The following SEMA3C variants were observed in gnomAD, a reference collection of about 807,000 sequenced individuals.
SEMA3C encodes semaphorin 3C.
A neutral mutation model predicts 89.4 loss-of-function variants in SEMA3C; 47 were observed. The observed-to-expected ratio is 0.53, with a 90% CI of 0.42 to 0.67. The LOEUF (loss-of-function observed/expected upper bound fraction) is 0.67, where lower values mean the gene tolerates loss of function less well. Ranked by LOEUF, SEMA3C falls within the 30% of genes least tolerant of loss-of-function variation. The pLI is 0.00. For synonymous variants in SEMA3C, 310 were observed against 320.2 expected, an observed-to-expected ratio of 0.97 and a Z score of 0.34; for missense variants, 839 against 929.1, an observed-to-expected ratio of 0.90 and a Z score of 1.26.
At position 80,898,407 on chromosome 7, in the gene SEMA3C, C is replaced by T. The variant is rs537485928; in HGVS notation, c.103+18272G>A. 3.3e-5 allele frequency among the ~76,000 whole-genome samples: 5 copies of T among 151,806 alleles called. No individual in the cohort carries two copies. The South Asian group carries it at 6.2e-4, about 19-fold the overall frequency. ...CAACAGAAAAATATAAATCTAAGTACTAAAATGTGAAATAATTCTTATTGA... is the reference window on the plus strand; with the variant it reads ...CAACAGAAAAATATAAATCTAAGTATTAAAATGTGAAATAATTCTTATTGA... On this transcript the variant is annotated intron_variant, in intron 2 of 17. Coordinates refer to ENST00000265361, the MANE Select transcript of SEMA3C (RefSeq NM_006379.5).
chr7:80,851,794 A>G (rs753977850), intron 2 of SEMA3C, among the ~76,000 whole-genome samples: 1 of 152,122 alleles, frequency 6.6e-6, no homozygotes, highest in Non-Finnish European at 1.5e-5. Context: ...AAGAAAAAAA[A>G]AGTTGAATAT....
chr7:80,907,389 C>G (rs1230426268), intron 2 of SEMA3C, among the ~76,000 whole-genome samples: 1 of 151,978 alleles, frequency 6.6e-6, no homozygotes, highest in South Asian at 2.1e-4. Context: ...TCAAAATGCT[C>G]TTTTGGTGAT....
At chr7:80,816,211 C>T (rs1343429145) in intron 5 of SEMA3C, 1 of 152,142 alleles carries the variant, frequency 6.6e-6, no homozygotes, top group Non-Finnish European at 1.5e-5. Context: ...GAAGTAGGCT[C>T]ATCAAATATT....
At chr7:80,868,028 T>C (rs1790969489) in intron 2 of SEMA3C, among the ~76,000 whole-genome samples, 2 of 152,224 alleles carry the variant, frequency 1.3e-5, no homozygotes, top group South Asian at 4.1e-4. Flanking sequence ...TTAATTGTAT[T>C]ATGAAATCTT....
At position 80,863,855 on chromosome 7, in the gene SEMA3C, A is replaced by ATATATGTAT. The variant is rs1562911984; in HGVS notation, c.104-35111_104-35110insATACATATA. On this transcript the variant is annotated intron_variant, in intron 2 of 17. Transcript: ENST00000265361. ...GTGATATATATATCACATATCACAT[A>ATATATGTAT]CATATGTATCACATATATATGTATC... 9.5e-5 allele frequency among the ~76,000 whole-genome samples: 14 copies of ATATATGTAT among 146,818 alleles called. No homozygotes were observed. In the East Asian group the frequency reaches 2.6e-3, roughly 28 times the overall value.
At chr7:80,749,504 A>G (rs1361666224) in intron 16 of SEMA3C, among the ~76,000 whole-genome samples, 1 of 152,180 alleles carries the variant, frequency 6.6e-6, no homozygotes, top group Non-Finnish European at 1.5e-5. Flanking sequence ...AGCACTGGGA[A>G]AGGGCAGAAA....
intron 2 of SEMA3C, among the ~76,000 whole-genome samples, chr7:80,901,865 A>G (rs114920086): frequency 0.011 from 1,638 of 152,320 alleles, 26 homozygotes; most frequent in African/African-American, 0.037. Context: ...TTTTTCTATA[A>G]TGAAAGACAT....
In SEMA3C at chr7:80,797,218, C is replaced by T. The variant is rs184068580; in HGVS notation, c.1131+874G>A. ...TAATGTTCAATTATATAACATCTCT[C>T]GGTGTACTGTCTGACATTTTAGAAA... is the stretch of plus-strand genomic sequence containing the variant. On this transcript the variant is annotated intron_variant, in intron 11 of 17. Coordinates refer to ENST00000265361, the MANE Select transcript of SEMA3C (RefSeq NM_006379.5). 4.3e-3 allele frequency among the ~76,000 whole-genome samples: 643 copies of T among 151,210 alleles called. 14 individuals are homozygous for T. The highest frequency in any genetic ancestry group is 0.039 in the South Asian group (185 of 4,746).
At chr7:80,890,055 G>A (rs1377454905) in intron 2 of SEMA3C, among the ~76,000 whole-genome samples, 1 of 152,130 alleles carries the variant, frequency 6.6e-6, no homozygotes, top group Non-Finnish European at 1.5e-5. Flanking sequence ...GTTTTCAGAA[G>A]TCCAACATAT....
rs901248869 is a variant in SEMA3C, at chr7:80,900,238, C to T, written c.103+16441G>A. Among the ~76,000 whole-genome samples, 11 of 152,166 alleles carry T rather than the reference C, an allele frequency of 7.2e-5. No individual in the cohort carries two copies. In the East Asian group the frequency reaches 1.4e-3, roughly 19 times the overall value. Reference sequence around the variant, plus strand: ...ACGCCATTCTCCCGCCTCAGCCTCCCGGGTAGCTGGGACTACAGGTGCCCG... The same window carrying T: ...ACGCCATTCTCCCGCCTCAGCCTCCTGGGTAGCTGGGACTACAGGTGCCCG... On this transcript the variant is annotated intron_variant, in intron 2 of 17. Transcript: ENST00000265361.
chr7:80,874,469 T>C (rs963542670), intron 2 of SEMA3C, among the ~76,000 whole-genome samples: 7 of 151,468 alleles, frequency 4.6e-5, no homozygotes, highest in African/African-American at 1.7e-4. Context: ...TTTATTTATT[T>C]ATTTATTTAT....
chr7:80,754,942 G>A (rs978043055), intron 15 of SEMA3C, among the ~76,000 whole-genome samples: 17 of 14,662 alleles, frequency 1.2e-3, no homozygotes, highest in South Asian at 3.1e-3. Context: ...CATGCCTGGC[G>A]AATTGTTTTT....
chr7:80,891,281 C>T (rs943337035), intron 2 of SEMA3C, among the ~76,000 whole-genome samples: 8 of 152,120 alleles, frequency 5.3e-5, no homozygotes, highest in East Asian at 1.9e-4. Context: ...TCCCGTCTTG[C>T]GTCCAAACTC....
rs985100874 is a variant in SEMA3C, at chr7:80,802,870, T to C, written c.802-91A>G. ...ACTTGTACTCTAGTTGCTTGGAGGA[T>C]GAAAATCTGAAGAATGGATATGTTA... is the stretch of plus-strand genomic sequence containing the variant. On this transcript the variant is annotated intron_variant, in intron 8 of 17. Transcript: ENST00000265361. The C allele has an allele frequency of 1.1e-5, 9 of 788,026 alleles. No homozygotes were observed. In the African/African-American group the frequency reaches 1.2e-4, roughly 10 times the overall value. 48.8% of individuals were successfully genotyped at this position (788,026 alleles called of 1,614,324 possible).
At chr7:80,888,887 G>A (rs982183319) in intron 2 of SEMA3C, among the ~76,000 whole-genome samples, 6 of 151,160 alleles carry the variant, frequency 4.0e-5, no homozygotes, top group Non-Finnish European at 8.8e-5. Context: ...CTTTTGAGAT[G>A]GAGTCTCACT....
intron 5 of SEMA3C, among the ~76,000 whole-genome samples, chr7:80,811,210 G>A (rs1789461617): frequency 6.6e-6 from 1 of 152,094 alleles, no homozygotes; most frequent in Non-Finnish European, 1.5e-5. Flanking sequence ...ATTTACTCAT[G>A]ACTTTATTTA....
At chr7:80,842,801 C>A (rs1197762605) in intron 2 of SEMA3C, among the ~76,000 whole-genome samples, 2 of 152,070 alleles carry the variant, frequency 1.3e-5, no homozygotes, top group African/African-American at 4.8e-5. Flanking sequence ...CACATTATGC[C>A]ATACAATCAG....
rs1242828688 is a variant in SEMA3C at position 80,744,467 on chromosome 7, T to C, written c.*427A>G. ...ATTCTGTCATATGCATTTATGACTT[T>C]TACTACGTAAAAGCTGTGGATTTGG... On this transcript the variant is annotated 3_prime_UTR_variant, in exon 18 of 18. Coordinates refer to ENST00000265361, the MANE Select transcript of SEMA3C (RefSeq NM_006379.5). 4 of 174,302 alleles carry C rather than the reference T, an allele frequency of 2.3e-5. No homozygotes were observed. Among genetic ancestry groups the C allele is most frequent in the African/African-American group, 9.6e-5 (4 of 41,602 alleles). 10.8% of individuals were successfully genotyped at this position (174,302 alleles called of 1,614,324 possible).
chr7:80,815,262 GAATTT>G lies in SEMA3C; in HGVS notation c.447+3032_447+3036del, dbSNP rs544158477. Among the ~76,000 whole-genome samples the G allele has an allele frequency of 1.7e-3, 253 of 152,164 alleles. 1 individual carries two copies. Among genetic ancestry groups the G allele is most frequent in the African/African-American group, 5.6e-3 (233 of 41,514 alleles). On this transcript the variant is annotated intron_variant, in intron 5 of 17. Coordinates refer to ENST00000265361, the MANE Select transcript of SEMA3C (RefSeq NM_006379.5). ...TGAAAAATACAGAGCATGAATGGTG[GAATTT>G]AATGTCACAGATCGTTCTAGGAGAA...
Sources: allele counts gnomAD v4.1 joint callset (sites outside exome capture counted in the v4.1 genomes callset), GRCh38; gene constraint gnomAD v4.1.1; transcripts MANE v1.5; gene names NCBI Gene and HGNC (gene_info 2026-07-23, HGNC 2026-07-21).